The following RIC3 variants were observed in gnomAD, a reference collection of about 807,000 sequenced individuals.
RIC3 encodes the protein protein RIC-3.
RIC3 carries 28 observed loss-of-function variants against 27.3 expected under a neutral mutation model. That is an observed-to-expected ratio of 1.02 (90% CI 0.76 to 1.41). The LOEUF is 1.41. RIC3 is among the 40% of genes most tolerant of loss of function. The probability of loss-of-function intolerance (pLI) is 0.00; values close to 1 mark genes in which losing one functional copy is unlikely to be tolerated. For missense variants in RIC3, 501 were observed against 444.7 expected, an observed-to-expected ratio of 1.13 and a Z score of -1.14; for synonymous variants, 184 against 160.4, an observed-to-expected ratio of 1.15 and a Z score of -1.11.
chr11:8,152,504 T>C (rs1950329215), intron 1 of RIC3, among the ~76,000 whole-genome samples: 1 of 152,128 alleles, frequency 6.6e-6, no homozygotes, highest in Non-Finnish European at 1.5e-5. Context: ...ATAAGAAATA[T>C]CCAGGATAGT....
chr11:8,140,456 C>T (rs900451232), intron 1 of RIC3, among the ~76,000 whole-genome samples: 1 of 152,126 alleles, frequency 6.6e-6, no homozygotes, highest in Non-Finnish European at 1.5e-5. Context: ...TTAAATGTGG[C>T]CATATAAACT....
the RIC3 span, chr11:8,097,591 G>A: frequency 1.5e-6 from 2 of 1,303,964 alleles, no homozygotes; most frequent in South Asian, 1.3e-5. Flanking sequence ...CAGTGCATTT[G>A]TGTGTGTGCA....
At position 8,168,829 on chromosome 11, in the gene RIC3, G is replaced by A; in HGVS notation, c.124+37C>T. The A allele has an allele frequency of 3.1e-6, 5 of 1,597,188 alleles. No individual in the cohort carries two copies. In the Admixed American group the frequency reaches 5.2e-5, roughly 17 times the overall value. On this transcript the variant is annotated intron_variant, in intron 1 of 5. Coordinates refer to ENST00000309737, the MANE Select transcript of RIC3 (RefSeq NM_001206671.4). Reference sequence around the variant, plus strand: ...CAAGCAGCGTTCTCCGTACTCTTCGGCGCCGGGAAGCTCAGAGGGAGCTGG... The same window carrying A: ...CAAGCAGCGTTCTCCGTACTCTTCGACGCCGGGAAGCTCAGAGGGAGCTGG...
Position 8,110,292 on chromosome 11 carries a change from A to G in RIC3, c.*406T>C. The stretch of plus-strand genomic sequence containing the variant: ...AGAATAAGGGATCTTGGAGTCTGAA[A>G]TCTTCATTCTTGCAACCTTAAGTCC... On this transcript the variant is annotated 3_prime_UTR_variant, in exon 6 of 6. Transcript: ENST00000309737. 3.1e-6 allele frequency: 1 copy of G among 323,194 alleles called. No individual in the cohort carries two copies. Among genetic ancestry groups the G allele is most frequent in the Non-Finnish European group, 6.0e-6 (1 of 166,996 alleles). 20.0% of individuals were successfully genotyped at this position (323,194 alleles called of 1,614,324 possible). A position where few individuals can be genotyped will look rare whatever the true frequency, so the allele number is the denominator to read the frequency against.
At chr11:8,158,693 G>A (rs969581041) in intron 1 of RIC3, among the ~76,000 whole-genome samples, 5 of 138,246 alleles carry the variant, frequency 3.6e-5, no homozygotes, top group East Asian at 2.2e-4. Flanking sequence ...AGTAGGAATC[G>A]TGTAGCACAA....
At chr11:8,163,034 C>CAT (rs1289775981) in intron 1 of RIC3, among the ~76,000 whole-genome samples, 1 of 146,046 alleles carries the variant, frequency 6.8e-6, no homozygotes, top group African/African-American at 2.6e-5. Context: ...CACACACACA[C>CAT]ACACACACAC....
intron 1 of RIC3, among the ~76,000 whole-genome samples, chr11:8,160,595 A>T (rs1201793858): frequency 1.3e-5 from 2 of 152,230 alleles, no homozygotes. Context: ...AGCTCCTATT[A>T]AAAAGAAGAA....
intron 1 of RIC3, among the ~76,000 whole-genome samples, chr11:8,167,278 G>A (rs1951780624): frequency 6.6e-6 from 1 of 152,100 alleles, no homozygotes; most frequent in East Asian, 1.9e-4. Context: ...AAACACTTAA[G>A]AATATTCCAT....
At chr11:8,095,807 A>C in the RIC3 span, 1 of 935,564 alleles carries the variant, frequency 1.1e-6, no homozygotes. Context: ...TTCGGAGACA[A>C]ATGAGAAACT....
In RIC3 at chr11:8,138,261, G is replaced by A. The variant is rs367708382; in HGVS notation, c.427+11C>T. On this transcript the variant is annotated intron_variant, in intron 3 of 5. Transcript: ENST00000309737. ...ATAATACCTGTGAATATACTGAGAAGGGGCACTTACTAATTTTCCTGTGGG... is the reference window on the plus strand; with the variant it reads ...ATAATACCTGTGAATATACTGAGAAAGGGCACTTACTAATTTTCCTGTGGG... The A allele has an allele frequency of 1.3e-6, 2 of 1,589,040 alleles. No individual in the cohort carries two copies. Among genetic ancestry groups the A allele is most frequent in the East Asian group, 4.5e-5 (2 of 44,742 alleles).
chr11:8,097,382 A>T, the RIC3 span: 1 of 1,614,126 alleles, frequency 6.2e-7, no homozygotes, highest in Non-Finnish European at 8.5e-7. Context: ...CGGGGCATGT[A>T]CCCCACCTAC....
the RIC3 span, chr11:8,097,640 T>C: frequency 5.3e-5 from 73 of 1,383,680 alleles, no homozygotes; most frequent in South Asian, 8.1e-4. Context: ...GGAGAGAGTC[T>C]GTGTGAGTGG....
chr11:8,110,492 G>T lies in RIC3; in HGVS notation c.*206C>A. On this transcript the variant is annotated 3_prime_UTR_variant, in exon 6 of 6. Transcript: ENST00000309737. ...AGGCAGGAAGAGAAAGAGCGAAGCT[G>T]TCCTGTGTTCACACTAATGTCCGTG... 1.5e-6 allele frequency: 1 copy of T among 649,708 alleles called. No individual in the cohort carries two copies. Among genetic ancestry groups the T allele is most frequent in the East Asian group, 2.7e-5 (1 of 36,392 alleles). The allele number at this position is 649,708 out of a possible 1,614,324, so 40.2% of individuals were successfully genotyped here. A position where few individuals can be genotyped will look rare whatever the true frequency, so the allele number is the denominator to read the frequency against.
the RIC3 span, chr11:8,100,997 C>CGTGAGT: frequency 6.2e-7 from 1 of 1,614,112 alleles, no homozygotes; most frequent in Admixed American, 1.7e-5. Context: ...TGGCAATGAC[C>CGTGAGT]GTGAGTGTTT....
chr11:8,105,026 G>C (rs1944487311), downstream of RIC3: 1 of 150,948 alleles, frequency 6.6e-6, no homozygotes, highest in African/African-American at 2.5e-5. Flanking sequence ...ACAAGTGACA[G>C]GGTTGGTTTC....
At chr11:8,097,031 A>G in the RIC3 span, among the ~76,000 whole-genome samples, 1 of 152,068 alleles carries the variant, frequency 6.6e-6, no homozygotes, top group East Asian at 1.9e-4. Flanking sequence ...CGTATCTCCC[A>G]TCTCCACCTC....
Position 8,138,321 on chromosome 11 carries a change from C to G in RIC3, c.378G>C (p.Glu126Asp). 6.2e-7 allele frequency: 1 copy of G among 1,613,520 alleles called. No individual in the cohort carries two copies. Among genetic ancestry groups the G allele is most frequent in the Non-Finnish European group, 8.5e-7 (1 of 1,179,588 alleles). ...FKLSKGKTTA[E>D]DGKCYTAMPG... Reference sequence around the variant, plus strand: ...GCATGGCAGTATAGCATTTCCCATCCTCTGCAGTTGTTTTCCCCTTTGAGA... The same window carrying G: ...GCATGGCAGTATAGCATTTCCCATCGTCTGCAGTTGTTTTCCCCTTTGAGA... The change falls in exon 3 of 6, where the codon GAG becomes GAC. Residue 126 changes from glutamate (E) to aspartate (D), a missense_variant. Transcript: ENST00000309737.
intron 1 of RIC3, among the ~76,000 whole-genome samples, chr11:8,156,687 C>CTT (rs776438429): frequency 6.6e-6 from 1 of 152,168 alleles, no homozygotes; most frequent in Non-Finnish European, 1.5e-5. Context: ...AGTGGCTTTG[C>CTT]TTTCCTCTCC....
chr11:8,139,897 T>G (rs750993572), intron 2 of RIC3, 70 bp downstream of exon 2: 2 of 1,357,988 alleles, frequency 1.5e-6, no homozygotes, highest in African/African-American at 1.5e-5. Context: ...GAAGTTTTAA[T>G]GTAGACAATG....
Sources: gnomAD v4.1 joint callset for allele counts (sites outside exome capture counted in the v4.1 genomes callset) on GRCh38, gnomAD v4.1.1 for gene constraint, MANE v1.5 for transcripts, NCBI Gene and HGNC (gene_info 2026-07-23, HGNC 2026-07-21) for gene names.